Variants in COL6A3 observed in about 807,000 individuals in gnomAD.
The protein encoded by COL6A3 is collagen type VI alpha 3 chain, also known as collagen alpha-3(VI) chain.
In COL6A3, 137 loss-of-function variants were observed where a neutral mutation model predicts 274.1. The ratio of observed to expected loss-of-function variants is 0.50; its 90% CI spans 0.44 to 0.58. COL6A3 has a LOEUF of 0.58. Among genes scored for constraint, COL6A3 ranks in the 20% least tolerant of loss-of-function variants. COL6A3 has a pLI of 0.00. For synonymous variants in COL6A3, 1,650 were observed against 1,650.6 expected (o/e 1.00, Z 0.01); for missense variants, 3,950 against 4,124.9 (o/e 0.96, Z 1.16).
intron 32 of COL6A3, 73 bp downstream of exon 32, chr2:237,346,430 T>C: frequency 7.7e-7 from 1 of 1,290,410 alleles, no homozygotes; most frequent in South Asian, 1.2e-5. Flanking sequence ...AAGCAGATGG[T>C]GGGAAGTTTT....
intron 1 of COL6A3, among the ~76,000 whole-genome samples, chr2:237,403,455 A>G (rs1260557724): frequency 6.6e-6 from 1 of 152,206 alleles, no homozygotes; most frequent in Non-Finnish European, 1.5e-5. Flanking sequence ...CAGCTAAAAT[A>G]GAACCACCTG....
Position 237,408,683 on chromosome 2 carries a change from G to C in COL6A3, c.-31+5270C>G, listed in dbSNP as rs995637599. Among the ~76,000 whole-genome samples, 3 of 152,172 alleles carry C rather than the reference G, an allele frequency of 2.0e-5. No homozygotes were observed. In the East Asian group the frequency reaches 5.8e-4, roughly 29 times the overall value. On this transcript the variant is annotated intron_variant, in intron 1 of 43. Transcript: ENST00000295550. The stretch of plus-strand genomic sequence containing the variant: ...ACCTAATGTATAGCACACACAGGGG[G>C]TTTTACAGAAACATTTCCCATTGTA...
At chr2:237,395,976 G>C (rs1433186552) in intron 2 of COL6A3, among the ~76,000 whole-genome samples, 2 of 152,186 alleles carry the variant, frequency 1.3e-5, no homozygotes, top group African/African-American at 4.8e-5. Context: ...AGCCAGGCTT[G>C]CTGCTGGACT....
Position 237,395,134 on chromosome 2 carries a change from A to G in COL6A3, c.162T>C (p.His54=). ...ATAGAAACTCTCGAACAAGTTGGAA[A>G]TGTTCCTCTCCAATGGTCCAAGAGG... is the stretch of plus-strand genomic sequence containing the variant. The part of the protein sequence containing the change: ...VDSSWTIGEE[H]FQLVREFLYD... Residue 54 remains histidine (H), a synonymous_variant, in exon 3 of 44, where the codon CAT becomes CAC. Coordinates refer to ENST00000295550, the MANE Select transcript of COL6A3 (RefSeq NM_004369.4). The G allele has an allele frequency of 6.2e-7, 1 of 1,614,012 alleles. No individual in the cohort carries two copies.
At chr2:237,358,675 C>G in intron 20 of COL6A3, 92 bp from the exon 21 acceptor site, 1 of 1,153,020 alleles carries the variant, frequency 8.7e-7, no homozygotes. Context: ...TAAATCTTAA[C>G]TAGAACAATG....
intron 4 of COL6A3, among the ~76,000 whole-genome samples, chr2:237,382,625 A>G (rs1297536802): frequency 6.6e-6 from 1 of 152,160 alleles, no homozygotes; most frequent in African/African-American, 2.4e-5. Flanking sequence ...AAATGATTAA[A>G]CCTGAGATGG....
chr2:237,337,866 T>G (rs1459386326), intron 39 of COL6A3, among the ~76,000 whole-genome samples: 1 of 147,864 alleles, frequency 6.8e-6, no homozygotes, highest in Non-Finnish European at 1.5e-5. Flanking sequence ...GCCACAGTCC[T>G]GCCCACTCCC....
At chr2:237,333,372 G>C (rs1479404509) in intron 42 of COL6A3, 78 bp downstream of exon 42, 5 of 1,372,552 alleles carry the variant, frequency 3.6e-6, no homozygotes, top group Non-Finnish European at 4.1e-6. Context: ...CTAAGACTTA[G>C]AACCCAGGAA....
chr2:237,340,428 C>T (rs777961435), intron 38 of COL6A3, 24 bp downstream of exon 38: 30 of 1,605,922 alleles, frequency 1.9e-5, no homozygotes, highest in East Asian at 2.2e-5. Flanking sequence ...GGCCAGGGCA[C>T]ATGCTGTGCC....
intron 1 of COL6A3, among the ~76,000 whole-genome samples, chr2:237,397,239 A>AGGAAG (rs1246526008): frequency 7.0e-6 from 1 of 142,404 alleles, no homozygotes; most frequent in Non-Finnish European, 1.5e-5. Context: ...GAAGAAGTGA[A>AGGAAG]GGAAGGGAAG....
chr2:237,344,026 C>T lies in COL6A3; in HGVS notation c.7668+324G>A. The T allele has an allele frequency of 2.4e-6, 1 of 418,596 alleles. No individual in the cohort carries two copies. Among genetic ancestry groups the T allele is most frequent in the Admixed American group, 3.5e-5 (1 of 28,248 alleles). The allele number at this position is 418,596 out of a possible 1,614,324, so 25.9% of individuals were successfully genotyped here. On this transcript the variant is annotated intron_variant, in intron 36 of 43. Coordinates refer to ENST00000295550, the MANE Select transcript of COL6A3 (RefSeq NM_004369.4). This position sits in a 1 kb window ranked among gnomAD's most constrained non-coding sequence, Gnocchi z 4.8. Reference sequence around the variant, plus strand: ...ACAGGAAGGATGCAAACGTCCAGGTCCTCATGAATAAAGCAAACAAGTCAC... The same window carrying T: ...ACAGGAAGGATGCAAACGTCCAGGTTCTCATGAATAAAGCAAACAAGTCAC...
chr2:237,357,457 G>A, intron 22 of COL6A3, 66 bp from the exon 23 acceptor site: 2 of 1,401,808 alleles, frequency 1.4e-6, no homozygotes, highest in Admixed American at 3.3e-5. Flanking sequence ...CTGAAATGCT[G>A]CACAAGACAT....
At chr2:237,355,028 C>T (rs759914986) in intron 23 of COL6A3, 94 bp from the exon 24 acceptor site, 27 of 1,194,908 alleles carry the variant, frequency 2.3e-5, no homozygotes, top group Admixed American at 3.9e-5. Context: ...TCTTATTCTG[C>T]GGTTACTCAG....
intron 42 of COL6A3, chr2:237,327,163 G>T (rs1699988817): frequency 6.6e-6 from 1 of 152,232 alleles, no homozygotes; most frequent in Non-Finnish European, 1.5e-5. Context: ...AACTGACAAG[G>T]CAAGGTAATT....
Position 237,376,900 on chromosome 2 carries a change from G to A in COL6A3, c.2942C>T (p.Ala981Val), listed in dbSNP as rs2077858196. Residue 981 changes from alanine (A) to valine (V), a missense_variant, in exon 7 of 44, where the codon GCT becomes GTT. By Grantham distance (64) the Ala-to-Val change is moderately conservative. Coordinates refer to ENST00000295550, the MANE Select transcript of COL6A3 (RefSeq NM_004369.4). Reference protein sequence around the residue: ...FIFQAKNADPAELEQIVLSPA... With the variant: ...FIFQAKNADPVELEQIVLSPA... Reference sequence around the variant, plus strand: ...AGACAGCACGATCTGCTCTAACTCAGCAGGGTCTGCGTTCTTGGCTTGGAA... The same window carrying A: ...AGACAGCACGATCTGCTCTAACTCAACAGGGTCTGCGTTCTTGGCTTGGAA... 6.2e-7 allele frequency: 1 copy of A among 1,614,222 alleles called. No homozygotes were observed.
intron 14 of COL6A3, among the ~76,000 whole-genome samples, chr2:237,362,822 G>A (rs1444811669): frequency 6.6e-6 from 1 of 152,182 alleles, no homozygotes. Flanking sequence ...ACTAGGGAGG[G>A]CAATTAAAGC....
intron 17 of COL6A3, among the ~76,000 whole-genome samples, chr2:237,359,682 C>A (rs958103132): frequency 6.6e-6 from 1 of 152,206 alleles, no homozygotes; most frequent in Non-Finnish European, 1.5e-5. Context: ...TTCCCTTCAG[C>A]ACCTGCCTTC....
chr2:237,368,728 C>A lies in COL6A3; in HGVS notation c.4735G>T (p.Asp1579Tyr). The change falls in exon 10 of 44, where the codon GAC becomes TAC. Residue 1579 changes from aspartate to tyrosine, a missense_variant. Coordinates refer to ENST00000295550, the MANE Select transcript of COL6A3 (RefSeq NM_004369.4). The surrounding 1 kb of genome is among the most constrained non-coding windows in gnomAD (Gnocchi z 4.4). ...GTGATGGTCTGCAGCTCTGTTCTGT[C>A]GATGTTCCGGTCTCCTACCCCTAAA... Reference protein sequence around the residue: ...VSLGVGDRNIDRTELQTITND... With the variant: ...VSLGVGDRNIYRTELQTITND... 6.2e-7 allele frequency: 1 copy of A among 1,614,128 alleles called. No homozygotes were observed. Among genetic ancestry groups the A allele is most frequent in the Non-Finnish European group, 8.5e-7 (1 of 1,180,018 alleles).
At chr2:237,375,461 A>G (rs2077812608) in intron 7 of COL6A3, among the ~76,000 whole-genome samples, 1 of 152,230 alleles carries the variant, frequency 6.6e-6, no homozygotes, top group South Asian at 2.1e-4. Context: ...ATTTTAGCTT[A>G]GCAACACTGG....
Sources: gnomAD v4.1 joint callset for allele counts (sites outside exome capture counted in the v4.1 genomes callset) on GRCh38, gnomAD v4.1.1 for gene constraint, Gnocchi (gnomAD v3.1) non-coding constraint, MANE v1.5 for transcripts, NCBI Gene and HGNC (gene_info 2026-07-23, HGNC 2026-07-21) for gene names.